PCDHGA5: variants seen among roughly 807,000 people sequenced by gnomAD.
The protein encoded by PCDHGA5 is protocadherin gamma subfamily A, 5.
Under a neutral mutation model 56.7 loss-of-function variants are expected in PCDHGA5, and 36 were observed. The ratio of observed to expected loss-of-function variants is 0.64; its 90% confidence interval spans 0.49 to 0.84. PCDHGA5 has a LOEUF of 0.84. PCDHGA5 is among the 40% of genes least tolerant of loss of function. The probability of loss-of-function intolerance (pLI) is 0.00; values close to 1 mark genes in which losing one functional copy is unlikely to be tolerated. For synonymous variants in PCDHGA5, 563 were observed against 520.2 expected, an observed-to-expected ratio of 1.08 and a Z score of -1.12; for missense variants, 1,305 against 1,201.5, an observed-to-expected ratio of 1.09 and a Z score of -1.27.
intron 1 of PCDHGA5, chr5:141,373,990 G>A: frequency 8.2e-7 from 1 of 1,221,932 alleles, no homozygotes; most frequent in East Asian, 2.8e-5. Flanking sequence ...TCTGCTTGTT[G>A]AAGGACCTTC....
chr5:141,413,567 A>G (rs950241336), intron 1 of PCDHGA5: 2 of 1,613,936 alleles, frequency 1.2e-6, no homozygotes, highest in Admixed American at 1.7e-5. Context: ...ACTGATATCA[A>G]TGACAATGCT....
At position 141,366,559 on chromosome 5, in the gene PCDHGA5, G is replaced by C; in HGVS notation, c.2229G>C (p.Val743=). ...TGCCCGCCTCGCACTTTGTGGGCGT[G>C]GATGGGGTTCGGGCTTTCCTGCAGA... is the stretch of plus-strand genomic sequence containing the variant. ...AGVPASHFVG[V]DGVRAFLQTY... The change falls in exon 1 of 4, where the codon GTG becomes GTC. Residue 743 remains valine, a synonymous_variant. Transcript: ENST00000518069. 1.2e-6 allele frequency: 2 copies of C among 1,614,270 alleles called. No homozygotes were observed. The highest frequency in any genetic ancestry group is 2.2e-5 in the South Asian group (2 of 91,086).
chr5:141,511,093 G>A lies in PCDHGA5; in HGVS notation c.2716G>A (p.Ala906Thr), dbSNP rs377350933. The change falls in exon 4 of 4, where the codon GCA (alanine) becomes ACA (threonine). Residue 906 changes from alanine to threonine, a missense_variant. Physicochemically the swap from Ala to Thr is moderately conservative, Grantham distance 58. Coordinates refer to ENST00000518069, the MANE Select transcript of PCDHGA5 (RefSeq NM_018918.3). Reference protein sequence around the residue: ...IPGSNATLTNAAGKRDGKAPA... With the variant: ...IPGSNATLTNTAGKRDGKAPA... ...AGGCAGCAATGCCACACTGACCAACGCAGCTGGCAAGCGGGATGGCAAGGC... is the reference window on the plus strand; with the variant it reads ...AGGCAGCAATGCCACACTGACCAACACAGCTGGCAAGCGGGATGGCAAGGC... 8 of 1,614,072 alleles carry A rather than the reference G, an allele frequency of 5.0e-6. No individual in the cohort carries two copies. Among genetic ancestry groups the A allele is most frequent in the African/African-American group, 4.0e-5 (3 of 74,916 alleles).
At chr5:141,366,806 T>G in intron 1 of PCDHGA5, 55 bp downstream of exon 1, 2 of 1,560,888 alleles carry the variant, frequency 1.3e-6, no homozygotes, top group Non-Finnish European at 1.7e-6. Context: ...GTTTCCTTTT[T>G]CATGTTTCTG....
intron 1 of PCDHGA5, chr5:141,393,206 A>C (rs774279389): frequency 1.2e-6 from 2 of 1,613,470 alleles, no homozygotes; most frequent in African/African-American, 1.3e-5. Context: ...ATAATAACCC[A>C]AAATTCCAGG....
In PCDHGA5 at chr5:141,431,140, C is replaced by G. The variant is rs145692116; in HGVS notation, c.2422-63667C>G. The G allele has an allele frequency of 6.2e-7, 1 of 1,614,208 alleles. No individual in the cohort carries two copies. The highest frequency in any genetic ancestry group is 1.7e-5 in the Admixed American group (1 of 60,038). On this transcript the variant is annotated intron_variant, in intron 1 of 3. Transcript: ENST00000518069. This position sits in a 1 kb window ranked among gnomAD's most constrained non-coding sequence, Gnocchi z 4.8. The stretch of plus-strand genomic sequence containing the variant: ...TAGAAGTAGAAGTAAGGGACATTAA[C>G]GACAATGCGCCTTACTTTCGTGAAA...
chr5:141,442,014 G>T, intron 1 of PCDHGA5: 1 of 220,044 alleles, frequency 4.5e-6, no homozygotes, highest in Non-Finnish European at 9.2e-6. Flanking sequence ...TCGCACGATG[G>T]GCCACAGGAA....
intron 1 of PCDHGA5, among the ~76,000 whole-genome samples, chr5:141,445,924 A>G (rs1451439271): frequency 6.6e-6 from 1 of 152,184 alleles, no homozygotes; most frequent in Non-Finnish European, 1.5e-5. Flanking sequence ...GTGACAAGAT[A>G]TTTGAATTAT....
intron 1 of PCDHGA5, among the ~76,000 whole-genome samples, chr5:141,473,329 G>A (rs2099319416): frequency 6.6e-6 from 1 of 152,212 alleles, no homozygotes; most frequent in Non-Finnish European, 1.5e-5. Context: ...TTAAGTGCCT[G>A]CTGTGCTAGA....
intron 1 of PCDHGA5, among the ~76,000 whole-genome samples, chr5:141,459,307 A>G (rs1175102009): frequency 6.6e-6 from 1 of 152,198 alleles, no homozygotes; most frequent in Non-Finnish European, 1.5e-5. Context: ...AACATATACT[A>G]TTTTGTATCC....
Position 141,364,215 on chromosome 5 carries a change from A to G in PCDHGA5, c.-116A>G. ...CACACAGACCAGACAAGCTCCTACG[A>G]AAAGCCAACGCTCCACGCCCATTTT... On this transcript the variant is annotated 5_prime_UTR_variant, in exon 1 of 4. Transcript: ENST00000518069. 1 of 1,300,530 alleles carries G rather than the reference A, an allele frequency of 7.7e-7. No homozygotes were observed. Among genetic ancestry groups the G allele is most frequent in the South Asian group, 1.7e-5 (1 of 58,832 alleles). 80.6% of individuals were successfully genotyped at this position (1,300,530 alleles called of 1,614,324 possible).
chr5:141,494,676 C>G, intron 1 of PCDHGA5, 131 bp from the exon 2 acceptor site: 1 of 1,550,918 alleles, frequency 6.4e-7, no homozygotes, highest in African/African-American at 1.4e-5. Context: ...GAGTCCACCC[C>G]TGCCCCCTCT....
Position 141,432,211 on chromosome 5 carries a change from C to A in PCDHGA5, c.2422-62596C>A, listed in dbSNP as rs1390215329. On this transcript the variant is annotated intron_variant, in intron 1 of 3. Coordinates refer to ENST00000518069, the MANE Select transcript of PCDHGA5 (RefSeq NM_018918.3). The surrounding 1 kb of genome is among the most constrained non-coding windows in gnomAD (Gnocchi z 6.0). The stretch of plus-strand genomic sequence containing the variant: ...CCCACGACCCCGACTGTGAAGAGAA[C>A]GCCCAGATCACTTATTCCCTGGCTG... 1 of 1,614,232 alleles carries A rather than the reference C, an allele frequency of 6.2e-7. No individual in the cohort carries two copies. Among genetic ancestry groups the A allele is most frequent in the Admixed American group, 1.7e-5 (1 of 60,032 alleles).
chr5:141,505,026 G>T (rs190826538), intron 2 of PCDHGA5, among the ~76,000 whole-genome samples: 1 of 152,198 alleles, frequency 6.6e-6, no homozygotes, highest in South Asian at 2.1e-4. Context: ...GCCTGGCACA[G>T]TGGCAGGTGC....
intron 1 of PCDHGA5, among the ~76,000 whole-genome samples, chr5:141,457,755 A>G (rs1011599369): frequency 2.0e-5 from 3 of 152,226 alleles, no homozygotes; most frequent in African/African-American, 4.8e-5. Flanking sequence ...GAGCCCAGAC[A>G]TGGGTTTGTA....
At chr5:141,484,362 A>T (rs1460176695) in intron 1 of PCDHGA5, among the ~76,000 whole-genome samples, 1 of 152,196 alleles carries the variant, frequency 6.6e-6, no homozygotes, top group Non-Finnish European at 1.5e-5. Context: ...TATCTAGTGT[A>T]TCACTAGCAA....
rs199575653 is a variant in PCDHGA5, at chr5:141,364,858, G to C, written c.528G>C (p.Leu176=). ...SLRSYQLSSN[L]HFSLDVVSGT... Reference sequence around the variant, plus strand: ...GGAGTTACCAGCTCAGCTCCAATCTGCACTTCTCTCTGGATGTGGTAAGCG... The same window carrying C: ...GGAGTTACCAGCTCAGCTCCAATCTCCACTTCTCTCTGGATGTGGTAAGCG... The change falls in exon 1 of 4, where the codon CTG becomes CTC. Residue 176 remains leucine, a synonymous_variant. Coordinates refer to ENST00000518069, the MANE Select transcript of PCDHGA5 (RefSeq NM_018918.3). The C allele has an allele frequency of 6.2e-7, 1 of 1,614,006 alleles. No individual in the cohort carries two copies. The highest frequency in any genetic ancestry group is 1.3e-5 in the African/African-American group (1 of 75,048).
chr5:141,408,022 G>A (rs915978239), intron 1 of PCDHGA5: 1 of 1,056,122 alleles, frequency 9.5e-7, no homozygotes, highest in Non-Finnish European at 1.3e-6. Context: ...GCCAACAACA[G>A]AAAGAAGAAA....
intron 1 of PCDHGA5, among the ~76,000 whole-genome samples, chr5:141,397,021 AC>A (rs1313075505): frequency 6.6e-6 from 1 of 152,234 alleles, no homozygotes; most frequent in Non-Finnish European, 1.5e-5. Context: ...AAGAAGGTTG[AC>A]CAATGTCCAC....
Sources: allele counts gnomAD v4.1 joint callset (sites outside exome capture counted in the v4.1 genomes callset), GRCh38; gene constraint gnomAD v4.1.1; non-coding constraint Gnocchi (gnomAD v3.1); transcripts MANE v1.5; gene names NCBI Gene and HGNC (gene_info 2026-07-23, HGNC 2026-07-21).